Variants in RFC1 observed in about 807,000 individuals in gnomAD.
RFC1 encodes the protein A1 140 kDa subunit.
A neutral mutation model predicts 137.4 loss-of-function variants in RFC1; 37 were observed. The ratio of observed to expected loss-of-function variants is 0.27; its 90% CI spans 0.21 to 0.35. The LOEUF (loss-of-function observed/expected upper bound fraction) is 0.35. Ranked by LOEUF, RFC1 falls within the 10% of genes least tolerant of loss-of-function variation. The pLI is 1.00. For synonymous variants in RFC1, 429 were observed against 455.7 expected, an observed-to-expected ratio of 0.94 and a Z score of 0.75; for missense variants, 1,205 against 1,358.5, an observed-to-expected ratio of 0.89 and a Z score of 1.78.
intron 1 of RFC1, among the ~76,000 whole-genome samples, chr4:39,361,170 C>G (rs1741735828): frequency 6.6e-6 from 1 of 152,196 alleles, no homozygotes; most frequent in East Asian, 1.9e-4. Flanking sequence ...GGGCAGATTA[C>G]CTGAGGCCAG....
chr4:39,365,235 T>C (rs1386279037), intron 1 of RFC1, among the ~76,000 whole-genome samples: 1 of 148,486 alleles, frequency 6.7e-6, no homozygotes, highest in Admixed American at 6.7e-5. Context: ...ACAAGGTAGC[T>C]ACTATCATTA....
intron 9 of RFC1, among the ~76,000 whole-genome samples, chr4:39,319,747 CTATA>C (rs1445524967): frequency 6.6e-6 from 1 of 152,050 alleles, no homozygotes; most frequent in Admixed American, 6.6e-5. Flanking sequence ...CAGTACCAAA[CTATA>C]TATATACTTA....
chr4:39,355,080 CAA>C (rs535213645), intron 1 of RFC1, among the ~76,000 whole-genome samples: 6 of 87,156 alleles, frequency 6.9e-5, no homozygotes, highest in South Asian at 4.0e-4. Flanking sequence ...ACACTCATCT[CAA>C]AAAAAAAAAA....
chr4:39,310,119 G>A (rs1048613953), intron 12 of RFC1, among the ~76,000 whole-genome samples: 6 of 152,088 alleles, frequency 3.9e-5, no homozygotes, highest in Non-Finnish European at 8.8e-5. Context: ...CATCCATGGT[G>A]TTCTTAGAAA....
chr4:39,293,165 A>G (rs1463911703), intron 22 of RFC1, among the ~76,000 whole-genome samples: 1 of 152,158 alleles, frequency 6.6e-6, no homozygotes, highest in Non-Finnish European at 1.5e-5. Flanking sequence ...GTTTAATTTC[A>G]TCCATTTCCT....
chr4:39,346,142 C>T (rs532889032), intron 2 of RFC1, among the ~76,000 whole-genome samples: 1 of 152,246 alleles, frequency 6.6e-6, no homozygotes, highest in East Asian at 1.9e-4. Flanking sequence ...GGAATAAATG[C>T]TAAGCTAGTG....
chr4:39,342,724 A>G (rs1388724318), intron 3 of RFC1, among the ~76,000 whole-genome samples: 2 of 152,230 alleles, frequency 1.3e-5, no homozygotes, highest in African/African-American at 4.8e-5. Context: ...TCTGGAGGTT[A>G]GATAGATGGC....
intron 15 of RFC1, among the ~76,000 whole-genome samples, chr4:39,303,613 C>T (rs1231375880): frequency 6.6e-6 from 1 of 152,192 alleles, no homozygotes; most frequent in Non-Finnish European, 1.5e-5. Context: ...GCCACCACAC[C>T]CAGCTAATTT....
At chr4:39,312,683 C>T (rs55908174) in intron 11 of RFC1, 69 bp downstream of exon 11, 11 of 1,349,862 alleles carry the variant, frequency 8.1e-6, no homozygotes, top group Non-Finnish European at 1.1e-5. Context: ...GAGTAAAGGG[C>T]AAATCACATC....
chr4:39,300,112 A>C lies in RFC1; in HGVS notation c.2717T>G (p.Leu906Arg). ...TATGCTGTCTGCTGCTCTGCTTAAA[A>C]GCATCAGGTGCTTTTTCATGTCACC... ...AGGDMKKHLM[L>R]LSRAADSICD... Residue 906 changes from leucine to arginine, a missense_variant, in exon 21 of 25, where the codon CTT becomes CGT. This residue lies in a region of RFC1 where 237 missense variants were observed against 304.2 expected (regional missense o/e 0.78). Transcript: ENST00000349703. 6.2e-7 allele frequency: 1 copy of C among 1,614,102 alleles called. No individual in the cohort carries two copies. The highest frequency in any genetic ancestry group is 8.5e-7 in the Non-Finnish European group (1 of 1,179,990).
chr4:39,358,401 G>A (rs1016292114), intron 1 of RFC1, among the ~76,000 whole-genome samples: 5 of 152,326 alleles, frequency 3.3e-5, no homozygotes, highest in Admixed American at 3.3e-4. Flanking sequence ...GCAACAGTGC[G>A]AGAGATGTTT....
At chr4:39,352,893 C>T (rs1166584801) in intron 1 of RFC1, among the ~76,000 whole-genome samples, 1 of 152,124 alleles carries the variant, frequency 6.6e-6, no homozygotes, top group Non-Finnish European at 1.5e-5. Flanking sequence ...TCCCTACAAC[C>T]TACCTCTCTT....
At chr4:39,360,230 G>A (rs1435423420) in intron 1 of RFC1, among the ~76,000 whole-genome samples, 1 of 151,822 alleles carries the variant, frequency 6.6e-6, no homozygotes, top group Non-Finnish European at 1.5e-5. Flanking sequence ...GCCAGGTGCG[G>A]TGGCTCACCC....
chr4:39,332,075 A>T (rs886878058), intron 4 of RFC1, among the ~76,000 whole-genome samples: 1 of 152,220 alleles, frequency 6.6e-6, no homozygotes, highest in Non-Finnish European at 1.5e-5. Flanking sequence ...GACACTTGAG[A>T]CGTGCCTTTC....
intron 1 of RFC1, among the ~76,000 whole-genome samples, chr4:39,360,280 T>C (rs1741687823): frequency 6.6e-6 from 1 of 151,766 alleles, no homozygotes; most frequent in Non-Finnish European, 1.5e-5. Context: ...GCGGGCAGAT[T>C]ACTAGAGGTC....
chr4:39,294,914 GA>G (rs1303317462), intron 22 of RFC1, among the ~76,000 whole-genome samples: 1 of 152,048 alleles, frequency 6.6e-6, no homozygotes, highest in African/African-American at 2.4e-5. Flanking sequence ...TGAGGTGGGA[GA>G]ATCACTTAAA....
intron 1 of RFC1, among the ~76,000 whole-genome samples, chr4:39,355,096 A>AACACAC (rs1553927298): frequency 1.7e-5 from 1 of 60,160 alleles, no homozygotes; most frequent in Non-Finnish European, 3.2e-5. Context: ...AAAAAAAAAA[A>AACACAC]ATACACACAC....
chr4:39,294,606 C>T (rs763538321), intron 22 of RFC1, among the ~76,000 whole-genome samples: 22 of 151,478 alleles, frequency 1.5e-4, no homozygotes, highest in Middle Eastern at 3.2e-3. Flanking sequence ...AGAGGTGGAG[C>T]TTGCAGTGAG....
At chr4:39,337,839 C>T (rs1413697421) in intron 4 of RFC1, among the ~76,000 whole-genome samples, 1 of 152,172 alleles carries the variant, frequency 6.6e-6, no homozygotes, top group East Asian at 1.9e-4. Flanking sequence ...ACCTAGAGAA[C>T]ACAACATCGC....
Sources: gnomAD v4.1 joint callset for allele counts (sites outside exome capture counted in the v4.1 genomes callset) on GRCh38, gnomAD v4.1.1 for gene constraint, gnomAD v4.1.1 regional missense constraint, MANE v1.5 for transcripts, NCBI Gene and HGNC (gene_info 2026-07-23, HGNC 2026-07-21) for gene names.